Variants in CDON observed in about 807,000 individuals in gnomAD.
CDON encodes cell adhesion associated, oncogene regulated.
A neutral mutation model predicts 120.9 loss-of-function variants in CDON; 73 were observed. The observed-to-expected ratio is 0.60, with a 90% CI of 0.50 to 0.73. CDON has a LOEUF of 0.73. Ranked by LOEUF, CDON falls within the 30% of genes least tolerant of loss-of-function variation. The pLI is 0.00. For missense variants in CDON, 1,470 were observed against 1,587.3 expected (o/e 0.93, Z 1.26); for synonymous variants, 566 against 573.5 (o/e 0.99, Z 0.19).
intron 1 of CDON, among the ~76,000 whole-genome samples, chr11:126,055,718 G>A (rs1416915608): frequency 3.3e-5 from 5 of 152,100 alleles, no homozygotes; most frequent in South Asian, 2.1e-4. Flanking sequence ...AAATAACTGG[G>A]CCAACAAATG....
At chr11:126,001,665 C>G (rs1946947578) in intron 11 of CDON, 54 bp downstream of exon 11, 1 of 1,549,928 alleles carries the variant, frequency 6.5e-7, no homozygotes, top group African/African-American at 1.4e-5. Flanking sequence ...CTCCCAAAAT[C>G]TGAAGCAGGT....
chr11:125,969,223 C>T (rs1411765820), intron 18 of CDON, among the ~76,000 whole-genome samples: 1 of 152,178 alleles, frequency 6.6e-6, no homozygotes. Flanking sequence ...GTCTTGAACT[C>T]CCGACCTCAG....
At chr11:126,044,372 A>C (rs1036362026) in intron 1 of CDON, among the ~76,000 whole-genome samples, 5 of 152,238 alleles carry the variant, frequency 3.3e-5, no homozygotes, top group East Asian at 3.8e-4. Context: ...TCTAGCAATG[A>C]CACTGCTGGA....
chr11:126,048,431 G>C lies in CDON; in HGVS notation c.-62+14148C>G, dbSNP rs543471587. Among the ~76,000 whole-genome samples the C allele has an allele frequency of 2.0e-5, 3 of 152,128 alleles. No individual in the cohort carries two copies. In the South Asian group the frequency reaches 6.2e-4, roughly 32 times the overall value. On this transcript the variant is annotated intron_variant, in intron 1 of 19. Coordinates refer to ENST00000531738, the MANE Select transcript of CDON (RefSeq NM_001378964.1). ...AATGGGAATGAGATAAGGAACACTCGAGCAAAGAGGTCAGCAGCAACGTTC... is the reference window on the plus strand; with the variant it reads ...AATGGGAATGAGATAAGGAACACTCCAGCAAAGAGGTCAGCAGCAACGTTC...
At chr11:126,022,529 C>T (rs561250158) in intron 2 of CDON, among the ~76,000 whole-genome samples, 2 of 151,942 alleles carry the variant, frequency 1.3e-5, no homozygotes, top group East Asian at 1.9e-4. Context: ...TGTTCCAACC[C>T]GAGAGTGGGA....
intron 18 of CDON, among the ~76,000 whole-genome samples, chr11:125,977,857 G>A (rs1195919735): frequency 3.3e-5 from 5 of 151,698 alleles, no homozygotes; most frequent in African/African-American, 7.3e-5. Flanking sequence ...TGGATAATCT[G>A]GTAGGAAAAT....
intron 1 of CDON, among the ~76,000 whole-genome samples, chr11:126,055,757 T>C (rs967191238): frequency 6.6e-6 from 1 of 152,192 alleles, no homozygotes; most frequent in Non-Finnish European, 1.5e-5. Flanking sequence ...TATAAAAAGG[T>C]AGTACATGCT....
chr11:126,014,745 A>T (rs1947410533), intron 7 of CDON: 1 of 155,656 alleles, frequency 6.4e-6, no homozygotes, highest in Admixed American at 6.3e-5. Context: ...AATACTTTTT[A>T]TGTACCATAT....
chr11:126,015,591 C>T lies in CDON; in HGVS notation c.929-81G>A, dbSNP rs559883095. ...ATCACTCGAGTGATAAAAATCTTCT[C>T]TCTACCAATAACCAGTTGAAACAAA... is the stretch of plus-strand genomic sequence containing the variant. On this transcript the variant is annotated intron_variant, in intron 6 of 19. Coordinates refer to ENST00000531738, the MANE Select transcript of CDON (RefSeq NM_001378964.1). 3.5e-6 allele frequency: 5 copies of T among 1,422,424 alleles called. No individual in the cohort carries two copies. In the African/African-American group the frequency reaches 7.1e-5, roughly 20 times the overall value. 88.1% of individuals were successfully genotyped at this position (1,422,424 alleles called of 1,614,324 possible).
intron 10 of CDON, among the ~76,000 whole-genome samples, chr11:126,002,248 T>G (rs1028599354): frequency 1.3e-5 from 2 of 152,212 alleles, no homozygotes; most frequent in Non-Finnish European, 2.9e-5. Flanking sequence ...CCTCACATTG[T>G]TTTAATATTT....
Position 125,961,831 on chromosome 11 carries a change from C to T in CDON, c.3524G>A (p.Ser1175Asn), listed in dbSNP as rs1332731475. 1 of 1,614,192 alleles carries T rather than the reference C, an allele frequency of 6.2e-7. No homozygotes were observed. The highest frequency in any genetic ancestry group is 1.3e-5 in the African/African-American group (1 of 75,046). ...VPDCGQLPEE[S>N]VKDNVEPVPT... The stretch of plus-strand genomic sequence containing the variant: ...GACTGGTTCCACATTGTCCTTGACG[C>T]TCTCCTCCGGCAACTGGCCACAATC... The change falls in exon 19 of 20, where the codon AGC becomes AAC. Residue 1175 changes from serine to asparagine, a missense_variant. Transcript: ENST00000531738.
At chr11:126,031,653 G>A (rs1376941075) in intron 1 of CDON, among the ~76,000 whole-genome samples, 1 of 152,174 alleles carries the variant, frequency 6.6e-6, no homozygotes, top group Admixed American at 6.5e-5. Context: ...CTAATCTTCT[G>A]TCTGCAGTGT....
rs1946726449 is a variant in CDON, at chr11:125,994,607, T to TTTG, written c.2545-219_2545-218insCAA. On this transcript the variant is annotated intron_variant, in intron 13 of 19. Transcript: ENST00000531738. Reference sequence around the variant, plus strand: ...GTACGTTTCCCTGGGTTCAAAAGCATAAAAGCACATTTGGTTCAAAATGAA... The same window carrying TTTG: ...GTACGTTTCCCTGGGTTCAAAAGCATTTGAAAAGCACATTTGGTTCAAAATGAA... Among the ~76,000 whole-genome samples the TTTG allele has an allele frequency of 2.6e-5, 4 of 152,334 alleles. No individual in the cohort carries two copies. The East Asian group carries it at 7.7e-4, about 29-fold the overall frequency.
intron 7 of CDON, among the ~76,000 whole-genome samples, chr11:126,012,135 T>C (rs1278981014): frequency 2.6e-5 from 4 of 152,230 alleles, no homozygotes; most frequent in African/African-American, 4.8e-5. Context: ...TCGAGTGTCT[T>C]TGCCATTCTT....
intron 14 of CDON, among the ~76,000 whole-genome samples, chr11:125,993,117 A>C (rs1044490524): frequency 3.9e-5 from 6 of 152,136 alleles, no homozygotes; most frequent in African/African-American, 1.4e-4. Context: ...CCTCTTCCAC[A>C]TAACAGTCCG....
intron 15 of CDON, 42 bp downstream of exon 15, chr11:125,989,595 G>A (rs1946569931): frequency 1.3e-6 from 2 of 1,587,566 alleles, no homozygotes; most frequent in Non-Finnish European, 1.7e-6. Context: ...ATCCAGGGTT[G>A]GAATTCTATC....
intron 7 of CDON, chr11:126,014,698 T>G (rs1312387136): frequency 1.3e-5 from 2 of 154,182 alleles, no homozygotes; most frequent in African/African-American, 4.8e-5. Flanking sequence ...AACTACACAA[T>G]GGACCACTAA....
intron 18 of CDON, among the ~76,000 whole-genome samples, chr11:125,966,419 G>A (rs565860854): frequency 6.6e-6 from 1 of 152,162 alleles, no homozygotes; most frequent in East Asian, 1.9e-4. Flanking sequence ...TGACCACGAA[G>A]CACATCAGTT....
chr11:125,991,028 C>A (rs1431101619), intron 14 of CDON, among the ~76,000 whole-genome samples: 1 of 152,108 alleles, frequency 6.6e-6, no homozygotes, highest in Non-Finnish European at 1.5e-5. Flanking sequence ...GGGTCTTTCC[C>A]AACCCAGCCC....
Sources: allele counts gnomAD v4.1 joint callset (sites outside exome capture counted in the v4.1 genomes callset), GRCh38; gene constraint gnomAD v4.1.1; transcripts MANE v1.5; gene names NCBI Gene and HGNC (gene_info 2026-07-23, HGNC 2026-07-21).